The following RACK1 variants were observed in gnomAD, a reference collection of about 807,000 sequenced individuals.
RACK1 encodes receptor for activated C kinase 1, also known as small ribosomal subunit protein RACK1.
A neutral mutation model predicts 42.2 loss-of-function variants in RACK1; 3 were observed. The observed-to-expected ratio is 0.07, with a 90% CI of 0.03 to 0.18. The LOEUF is 0.18. Among genes scored for constraint, RACK1 ranks in the 10% least tolerant of loss-of-function variants. The probability of loss-of-function intolerance (pLI) is 1.00; values close to 1 mark genes in which losing one functional copy is unlikely to be tolerated. For missense variants in RACK1, 146 were observed against 403.2 expected (o/e 0.36, Z 5.46); for synonymous variants, 181 against 154.8 (o/e 1.17, Z -1.25).
chr5:181,237,172 C>T (rs764878565), intron 7 of RACK1, 130 bp from the exon 8 acceptor site: 22 of 1,511,764 alleles, frequency 1.5e-5, no homozygotes, highest in East Asian at 9.8e-5. Flanking sequence ...TGCAGGGGTG[C>T]GATCCTGGCT....
At chr5:181,237,107 G>T in intron 7 of RACK1, 65 bp from the exon 8 acceptor site, 1 of 1,603,514 alleles carries the variant, frequency 6.2e-7, no homozygotes, top group South Asian at 1.1e-5. Flanking sequence ...ACTAGATTCA[G>T]CCCAAGTGGC....
rs1482418074 is a variant in RACK1, at chr5:181,242,166, C to A, written c.281+8G>T. The A allele has an allele frequency of 6.2e-7, 1 of 1,608,798 alleles. No homozygotes were observed. Among genetic ancestry groups the A allele is most frequent in the South Asian group, 1.1e-5 (1 of 90,506 alleles). On this transcript the variant is annotated splice_region_variant and intron_variant, in intron 2 of 7. Transcript: ENST00000512805. The stretch of plus-strand genomic sequence containing the variant: ...CAAGGCCCCAGAGCTAAGTGAGCAG[C>A]TACTTGCGTTGTGAGATCCCAGAGG...
chr5:181,241,576 AGAG>A lies in RACK1; in HGVS notation c.342_344del (p.Ser115del). 2 of 1,614,088 alleles carry A rather than the reference AGAG, an allele frequency of 1.2e-6. No homozygotes were observed. ...ATCCAGAGACAATCTGCCGGTTGTC[AGAG>A]GAGAAGGCCACACTCAGCACATCCT... On this transcript the variant is annotated inframe_deletion, in exon 3 of 8. Coordinates refer to ENST00000512805, the MANE Select transcript of RACK1 (RefSeq NM_006098.5).
intron 7 of RACK1, 28 bp downstream of exon 7, chr5:181,237,581 A>T: frequency 8.9e-7 from 1 of 1,117,416 alleles, no homozygotes; most frequent in Non-Finnish European, 1.4e-6. Context: ...CTGGAAGCAG[A>T]ATCACCTGAG....
intron 3 of RACK1, chr5:181,241,124 G>GA (rs34883535): frequency 0.14 from 18,531 of 133,660 alleles, 1,184 homozygotes; most frequent in Middle Eastern, 0.19. Flanking sequence ...CTGTCTCCGA[G>GA]AAAAAAAAAA....
intron 1 of RACK1, 24 bp from the exon 2 acceptor site, chr5:181,242,369 A>AGATC (rs1406378675): frequency 6.4e-7 from 1 of 1,573,378 alleles, no homozygotes; most frequent in South Asian, 1.1e-5. Context: ...AACAGAAGAA[A>AGATC]AATCAGTGAG....
chr5:181,243,252 A>G (rs1759423038), intron 1 of RACK1: 22 of 1,347,234 alleles, frequency 1.6e-5, no homozygotes, highest in Non-Finnish European at 2.0e-5. Flanking sequence ...GTAGGCCGAC[A>G]CTTGAGCCAC....
intron 7 of RACK1, chr5:181,237,385 A>G: frequency 2.9e-6 from 2 of 699,634 alleles, no homozygotes; most frequent in Non-Finnish European, 2.6e-6. Context: ...TAATTAAGGT[A>G]TTAATTGAAG....
rs759925227 is a variant in RACK1 at position 181,238,971 on chromosome 5, G to T, written c.636+96C>A. ...CTCATTATCCTCCTAAAACCATCTT[G>T]GCTAATGTTTGCCATTTTACGTTAG... is the stretch of plus-strand genomic sequence containing the variant. On this transcript the variant is annotated intron_variant, in intron 5 of 7. Transcript: ENST00000512805. The T allele has an allele frequency of 3.7e-5, 30 of 808,890 alleles. 1 individual carries two copies. The highest frequency in any genetic ancestry group is 5.6e-5 in the Non-Finnish European group (25 of 447,790). 50.1% of individuals were successfully genotyped at this position (808,890 alleles called of 1,614,324 possible). A position where few individuals can be genotyped will look rare whatever the true frequency, so the allele number is the denominator to read the frequency against.
rs1759452075 is a variant in RACK1 at position 181,243,875 on chromosome 5, C to A, written c.-75G>T. On this transcript the variant is annotated 5_prime_UTR_variant, in exon 1 of 8. In the 5' UTR this introduces an upstream ATG that the reference lacks. Transcript: ENST00000512805. Reference sequence around the variant, plus strand: ...GGCTTAGAGAAACTAGCACCACAACCTCTCCTGCCGCCGCCTTGCAGTGAA... The same window carrying A: ...GGCTTAGAGAAACTAGCACCACAACATCTCCTGCCGCCGCCTTGCAGTGAA... 1 of 1,502,576 alleles carries A rather than the reference C, an allele frequency of 6.7e-7. No individual in the cohort carries two copies. Among genetic ancestry groups the A allele is most frequent in the South Asian group, 1.3e-5 (1 of 78,582 alleles). The allele number at this position is 1,502,576 out of a possible 1,614,324, so 93.1% of individuals were successfully genotyped here. A position where few individuals can be genotyped will look rare whatever the true frequency, so the allele number is the denominator to read the frequency against.
At chr5:181,243,599 C>A (rs1439887679) in intron 1 of RACK1, 93 bp downstream of exon 1, 7 of 1,479,818 alleles carry the variant, frequency 4.7e-6, no homozygotes, top group Non-Finnish European at 6.4e-6. Flanking sequence ...CGCGCGCCAC[C>A]GGCCTGCCAC....
intron 1 of RACK1, chr5:181,242,603 G>C (rs189392433): frequency 5.7e-6 from 3 of 524,624 alleles, no homozygotes; most frequent in East Asian, 4.8e-5. Context: ...TGTCGCCCAG[G>C]CTGGAGTGCA....
chr5:181,242,651 G>C (rs1212655052), intron 1 of RACK1: 5 of 416,416 alleles, frequency 1.2e-5, no homozygotes, highest in African/African-American at 2.1e-5. Context: ...TCCACCTCCC[G>C]TGTTCAAGCA....
At chr5:181,242,819 A>G in intron 1 of RACK1, 1 of 331,658 alleles carries the variant, frequency 3.0e-6, no homozygotes, top group South Asian at 2.3e-5. Context: ...TCTGCCTTCC[A>G]AAGTGCTGGG....
At chr5:181,238,035 A>C (rs1170087760) in intron 6 of RACK1, 64 bp downstream of exon 6, 13 of 1,574,048 alleles carry the variant, frequency 8.3e-6, no homozygotes, top group Non-Finnish European at 1.1e-5. Context: ...CATATATAAT[A>C]ACCAAAACAT....
Position 181,238,090 on chromosome 5 carries a change from C to T in RACK1, c.777+9G>A. 6.2e-7 allele frequency: 1 copy of T among 1,614,114 alleles called. No individual in the cohort carries two copies. The highest frequency in any genetic ancestry group is 8.5e-7 in the Non-Finnish European group (1 of 1,179,956). ...GCCAGGTACCCAGTCAATTGTAACC[C>T]ACACTCACCCAGATCTTGATGCTGG... On this transcript the variant is annotated intron_variant, in intron 6 of 7. Transcript: ENST00000512805.
intron 3 of RACK1, among the ~76,000 whole-genome samples, chr5:181,239,966 A>G (rs780575708): frequency 3.9e-5 from 6 of 152,106 alleles, no homozygotes; most frequent in Non-Finnish European, 7.4e-5. Flanking sequence ...CACTGCTTAA[A>G]CCCAGGAAGC....
At chr5:181,241,287 G>C (rs1759334305) in intron 3 of RACK1, 3 of 529,226 alleles carry the variant, frequency 5.7e-6, no homozygotes, top group Non-Finnish European at 6.8e-6. Flanking sequence ...AAATTAGCTA[G>C]GCGTGGTGGC....
At chr5:181,240,641 A>G (rs572899341) in intron 3 of RACK1, among the ~76,000 whole-genome samples, 1 of 151,996 alleles carries the variant, frequency 6.6e-6, no homozygotes, top group Admixed American at 6.6e-5. Flanking sequence ...CCAGCCCCCA[A>G]TCTGCGATCC....
Sources: allele counts gnomAD v4.1 joint callset (sites outside exome capture counted in the v4.1 genomes callset), GRCh38; gene constraint gnomAD v4.1.1; transcripts MANE v1.5; gene names NCBI Gene and HGNC (gene_info 2026-07-23, HGNC 2026-07-21).